TTC7B: variants seen among roughly 807,000 people sequenced by gnomAD.
The protein encoded by TTC7B is tetratricopeptide repeat protein 7B.
In TTC7B, 28 loss-of-function variants were observed where a neutral mutation model predicts 106.8. The ratio of observed to expected loss-of-function variants is 0.26; its 90% CI spans 0.19 to 0.36. TTC7B has a LOEUF of 0.36. Ranked by LOEUF, TTC7B falls within the 10% of genes least tolerant of loss-of-function variation. The probability of loss-of-function intolerance (pLI) is 1.00; values close to 1 mark genes in which losing one functional copy is unlikely to be tolerated. For missense variants in TTC7B, 862 were observed against 1,076.4 expected (o/e 0.80, Z 2.79); for synonymous variants, 405 against 430.6 (o/e 0.94, Z 0.74).
At chr14:90,571,887 T>C (rs538576522) in intron 19 of TTC7B, among the ~76,000 whole-genome samples, 1 of 152,328 alleles carries the variant, frequency 6.6e-6, no homozygotes, top group South Asian at 2.1e-4. Context: ...ACTAGGCTGA[T>C]GGATAAACTG....
At chr14:90,633,713 T>C (rs1404388464) in intron 15 of TTC7B, among the ~76,000 whole-genome samples, 1 of 152,058 alleles carries the variant, frequency 6.6e-6, no homozygotes, top group Non-Finnish European at 1.5e-5. Flanking sequence ...ATGAGGAAAA[T>C]TACTAAGTAA....
intron 1 of TTC7B, among the ~76,000 whole-genome samples, chr14:90,814,455 G>T (rs567444104): frequency 6.6e-6 from 1 of 152,322 alleles, no homozygotes; most frequent in African/African-American, 2.4e-5. Context: ...CAGGGTGAGG[G>T]CATAAGGGCA....
rs578076019 is a variant in TTC7B, at chr14:90,729,011, C to T, written c.698+1064G>A. On this transcript the variant is annotated intron_variant, in intron 5 of 19. Coordinates refer to ENST00000328459, the MANE Select transcript of TTC7B (RefSeq NM_001010854.2). Reference sequence around the variant, plus strand: ...GATCTCAATCAGTGGCAGATGAGATCGAATGCAAGAGCATCTTTGTGCCAA... The same window carrying T: ...GATCTCAATCAGTGGCAGATGAGATTGAATGCAAGAGCATCTTTGTGCCAA... Among the ~76,000 whole-genome samples the T allele has an allele frequency of 4.6e-5, 7 of 152,304 alleles. No homozygotes were observed. The South Asian group carries it at 1.4e-3, about 32-fold the overall frequency.
At chr14:90,764,942 C>CAT (rs1422055547) in intron 3 of TTC7B, among the ~76,000 whole-genome samples, 2 of 152,158 alleles carry the variant, frequency 1.3e-5, no homozygotes, top group Non-Finnish European at 2.9e-5. Context: ...CCTAAGTATA[C>CAT]ATCCAAGATA....
chr14:90,796,644 A>T (rs2029888065), intron 1 of TTC7B, among the ~76,000 whole-genome samples: 1 of 152,174 alleles, frequency 6.6e-6, no homozygotes, highest in Admixed American at 6.5e-5. Flanking sequence ...ACTCTTCTCT[A>T]TTCCTGGGAG....
intron 3 of TTC7B, among the ~76,000 whole-genome samples, chr14:90,778,023 C>A (rs1482287574): frequency 6.6e-6 from 1 of 152,190 alleles, no homozygotes; most frequent in Non-Finnish European, 1.5e-5. Context: ...CCAGAGCCAG[C>A]ATGTGACACA....
At chr14:90,772,989 AAAAT>A (rs1890913839) in intron 3 of TTC7B, 1 of 152,226 alleles carries the variant, frequency 6.6e-6, no homozygotes, top group African/African-American at 2.4e-5. Flanking sequence ...AAAGAACAAT[AAAAT>A]AAAATTGTGG....
chr14:90,576,769 A>G (rs1470394634), intron 19 of TTC7B, among the ~76,000 whole-genome samples: 2 of 152,208 alleles, frequency 1.3e-5, no homozygotes, highest in Non-Finnish European at 2.9e-5. Flanking sequence ...TTCTGCTGGA[A>G]ACCAGCAGTT....
chr14:90,561,473 C>T (rs1416632428), intron 19 of TTC7B, among the ~76,000 whole-genome samples: 2 of 152,238 alleles, frequency 1.3e-5, no homozygotes, highest in Non-Finnish European at 2.9e-5. Context: ...AGAGGGGACG[C>T]TTCACATTTC....
At chr14:90,557,674 C>T (rs1449965706) in intron 19 of TTC7B, among the ~76,000 whole-genome samples, 2 of 152,236 alleles carry the variant, frequency 1.3e-5, no homozygotes, top group Admixed American at 6.5e-5. Context: ...AAGATGGCAG[C>T]CCTGGAACCC....
chr14:90,807,536 G>A lies in TTC7B; in HGVS notation c.121+8639C>T, dbSNP rs887573870. Among the ~76,000 whole-genome samples the A allele has an allele frequency of 6.6e-6, 1 of 152,158 alleles. No individual in the cohort carries two copies. Among genetic ancestry groups the A allele is most frequent in the Non-Finnish European group, 1.5e-5 (1 of 68,034 alleles). On this transcript the variant is annotated intron_variant, in intron 1 of 19. Coordinates refer to ENST00000328459, the MANE Select transcript of TTC7B (RefSeq NM_001010854.2). The surrounding 1 kb of genome is among the most constrained non-coding windows in gnomAD (Gnocchi z 4.1). ...GGACCCTGCTGCCCAGAGGTTGAGCGACAATCCTGAACTGTAAGTTTCCCT... is the reference window on the plus strand; with the variant it reads ...GGACCCTGCTGCCCAGAGGTTGAGCAACAATCCTGAACTGTAAGTTTCCCT...
chr14:90,742,435 G>A lies in TTC7B; in HGVS notation c.576+2357C>T, dbSNP rs1016220794. ...TGGCCTCAGGTGATCCTCCTGTCTC[G>A]GCCTCTCAAAGTGCTGGGATTACAG... On this transcript the variant is annotated intron_variant, in intron 4 of 19. Transcript: ENST00000328459. This position sits in a 1 kb window ranked among gnomAD's most constrained non-coding sequence, Gnocchi z 4.1. Among the ~76,000 whole-genome samples the A allele has an allele frequency of 3.3e-5, 5 of 151,732 alleles. No individual in the cohort carries two copies. Among genetic ancestry groups the A allele is most frequent in the Non-Finnish European group, 5.9e-5 (4 of 67,964 alleles).
intron 1 of TTC7B, among the ~76,000 whole-genome samples, chr14:90,791,304 T>C (rs1206239000): frequency 6.6e-6 from 1 of 152,088 alleles, no homozygotes; most frequent in Non-Finnish European, 1.5e-5. Context: ...CCTTCTAGAC[T>C]GTAAGGAGGA....
chr14:90,660,904 T>C (rs1296500057), intron 9 of TTC7B, among the ~76,000 whole-genome samples: 2 of 152,226 alleles, frequency 1.3e-5, no homozygotes, highest in African/African-American at 4.8e-5. Flanking sequence ...TCCGAAGACC[T>C]TGAGCAAGGT....
intron 5 of TTC7B, among the ~76,000 whole-genome samples, chr14:90,716,111 C>T (rs1172815355): frequency 6.6e-6 from 1 of 152,134 alleles, no homozygotes; most frequent in South Asian, 2.1e-4. Context: ...GAAGGAGTGG[C>T]TAGACTCCAA....
At chr14:90,687,205 T>C (rs1238900624) in intron 7 of TTC7B, among the ~76,000 whole-genome samples, 3 of 152,220 alleles carry the variant, frequency 2.0e-5, no homozygotes, top group Non-Finnish European at 4.4e-5. Flanking sequence ...ATGTGAATTA[T>C]GTTTCAATAA....
At chr14:90,787,484 G>C (rs1891432723) in intron 1 of TTC7B, among the ~76,000 whole-genome samples, 1 of 152,176 alleles carries the variant, frequency 6.6e-6, no homozygotes, top group Admixed American at 6.5e-5. Context: ...TGGGGTGCTG[G>C]GGAGGGGACC....
intron 3 of TTC7B, among the ~76,000 whole-genome samples, chr14:90,772,177 G>A (rs938580105): frequency 6.6e-6 from 1 of 151,816 alleles, no homozygotes; most frequent in Non-Finnish European, 1.5e-5. Context: ...AGGTACCACC[G>A]TTCTGCAGGG....
At chr14:90,723,713 T>G (rs904816730) in intron 5 of TTC7B, among the ~76,000 whole-genome samples, 2 of 152,194 alleles carry the variant, frequency 1.3e-5, no homozygotes, top group Non-Finnish European at 2.9e-5. Flanking sequence ...CCTTCTGTTA[T>G]TTGCTTTCAC....
Sources: gnomAD v4.1 joint callset for allele counts (sites outside exome capture counted in the v4.1 genomes callset) on GRCh38, gnomAD v4.1.1 for gene constraint, Gnocchi (gnomAD v3.1) non-coding constraint, MANE v1.5 for transcripts, NCBI Gene and HGNC (gene_info 2026-07-23, HGNC 2026-07-21) for gene names.